Variants in DNAI2 observed in about 807,000 individuals in gnomAD.
DNAI2 encodes dynein axonemal intermediate chain 2, also known as dynein, axonemal, intermediate polypeptide 2.
In DNAI2, 63 loss-of-function variants were observed where a neutral mutation model predicts 74.7. The ratio of observed to expected loss-of-function variants is 0.84; its 90% CI spans 0.69 to 1.04. The LOEUF (loss-of-function observed/expected upper bound fraction) is 1.04, where lower values mean the gene tolerates loss of function less well. Ranked by LOEUF, DNAI2 falls within the 50% of genes least tolerant of loss-of-function variation. DNAI2 has a pLI of 0.00. For synonymous variants in DNAI2, 289 were observed against 314.9 expected, an observed-to-expected ratio of 0.92 and a Z score of 0.87; for missense variants, 688 against 803.2, an observed-to-expected ratio of 0.86 and a Z score of 1.73.
At chr17:74,304,186 C>CTTTTTCTTTTTTCTTTTTTT (rs2053040468) in intron 8 of DNAI2, among the ~76,000 whole-genome samples, 1 of 67,632 alleles carries the variant, frequency 1.5e-5, no homozygotes, top group African/African-American at 5.8e-5. Flanking sequence ...TTTCTTTTTT[C>CTTTTTCTTTTTTCTTTTTTT]TTTTTTTTTT....
chr17:74,279,692 TA>T (rs2051286625), intron 1 of DNAI2, among the ~76,000 whole-genome samples: 1 of 152,138 alleles, frequency 6.6e-6, no homozygotes, highest in African/African-American at 2.4e-5. Flanking sequence ...CATGCCTGGA[TA>T]ATTTTTGGTA....
intron 10 of DNAI2, 121 bp downstream of exon 10, chr17:74,309,509 G>A (rs2053385529): frequency 1.4e-6 from 2 of 1,401,710 alleles, no homozygotes; most frequent in African/African-American, 2.8e-5. Flanking sequence ...TTGGGCCTCT[G>A]TGGGGGAGCC....
At chr17:74,305,510 G>A (rs1017324828) in intron 9 of DNAI2, 68 bp downstream of exon 9, 16 of 1,451,192 alleles carry the variant, frequency 1.1e-5, no homozygotes, top group East Asian at 4.7e-5. Flanking sequence ...GCCCAGCTGG[G>A]CCCCGGAGAG....
intron 9 of DNAI2, chr17:74,307,220 A>C (rs117580787): frequency 2.2e-6 from 1 of 456,076 alleles, no homozygotes; most frequent in Admixed American, 2.3e-5. Flanking sequence ...GCAGGCTGCC[A>C]GGGCTGTGTG....
chr17:74,289,491 C>A, intron 4 of DNAI2, 103 bp from the exon 5 acceptor site: 2 of 1,470,778 alleles, frequency 1.4e-6, no homozygotes, highest in Non-Finnish European at 9.3e-7. Flanking sequence ...TATGCCACTG[C>A]CTGGGGGACA....
At chr17:74,309,461 G>T in intron 10 of DNAI2, 73 bp downstream of exon 10, 1 of 1,604,360 alleles carries the variant, frequency 6.2e-7, no homozygotes, top group Non-Finnish European at 8.5e-7. Context: ...TGAGTGTGGG[G>T]TGCTGTGAGC....
At chr17:74,303,409 A>G (rs573116041) in intron 8 of DNAI2, among the ~76,000 whole-genome samples, 2 of 152,052 alleles carry the variant, frequency 1.3e-5, no homozygotes, top group South Asian at 4.2e-4. Context: ...TGGTCTTTCC[A>G]CTTGCCCTTG....
At chr17:74,278,241 G>T (rs987746416) in intron 1 of DNAI2, among the ~76,000 whole-genome samples, 4 of 151,320 alleles carry the variant, frequency 2.6e-5, no homozygotes, top group Non-Finnish European at 2.9e-5. Context: ...ACAAGCCTGG[G>T]CAACATAGTG....
At chr17:74,298,470 A>G (rs2052574976) in intron 6 of DNAI2, among the ~76,000 whole-genome samples, 1 of 151,594 alleles carries the variant, frequency 6.6e-6, no homozygotes, top group African/African-American at 2.4e-5. Context: ...ACGCCCAGCT[A>G]ATTTTTTTGT....
In DNAI2 at chr17:74,301,075, C is replaced by G. The variant is rs568996957; in HGVS notation, c.894C>G (p.Ser298Arg). The G allele has an allele frequency of 6.2e-7, 1 of 1,614,020 alleles. No homozygotes were observed. Among genetic ancestry groups the G allele is most frequent in the African/African-American group, 1.3e-5 (1 of 75,028 alleles). ...TGTGGTGGGACATCCGAAAGATGAG[C>G]GAGCCCACTGAAGTTGTGATCTTGG... ...QVMWWDIRKMSEPTEVVILDI... is the reference protein window; with the variant it reads ...QVMWWDIRKMREPTEVVILDI... Residue 298 changes from serine to arginine, a missense_variant, in exon 8 of 14, where the codon AGC (serine) becomes AGG (arginine). Coordinates refer to ENST00000311014, the MANE Select transcript of DNAI2 (RefSeq NM_023036.6).
At chr17:74,274,528 A>G (rs1233601511) in intron 1 of DNAI2, among the ~76,000 whole-genome samples, 183 bp downstream of exon 1, 2 of 152,030 alleles carry the variant, frequency 1.3e-5, no homozygotes, top group Non-Finnish European at 2.9e-5. Context: ...TCTTCCCCTT[A>G]GTCCTCGCTG....
intron 6 of DNAI2, among the ~76,000 whole-genome samples, chr17:74,293,663 C>A (rs1030547404): frequency 1.3e-5 from 2 of 151,734 alleles, no homozygotes; most frequent in Non-Finnish European, 2.9e-5. Flanking sequence ...GAGATCATGC[C>A]ACTGAACTCC....
chr17:74,299,882 A>T (rs1567862503), intron 7 of DNAI2, 25 bp downstream of exon 7: 8 of 1,612,736 alleles, frequency 5.0e-6, no homozygotes, highest in Non-Finnish European at 5.9e-6. Flanking sequence ...GACACTGGAG[A>T]GAGGAGGGAA....
At position 74,309,268 on chromosome 17, in the gene DNAI2, C is replaced by T. The variant is rs753085588; in HGVS notation, c.1227C>T (p.Tyr409=). The T allele has an allele frequency of 6.2e-7, 1 of 1,614,088 alleles. No individual in the cohort carries two copies. Residue 409 remains tyrosine (Y), a synonymous_variant, in exon 10 of 14, where the codon TAC becomes TAT. Coordinates refer to ENST00000311014, the MANE Select transcript of DNAI2 (RefSeq NM_023036.6). ...CCTCCCACAGGTACCACATGGCTTA[C>T]CTCACTGATGCTGCCTGGAGCCCCG... ...SIMWTKYHMA[Y]LTDAAWSPVR...
chr17:74,304,433 G>A (rs1419857995), intron 8 of DNAI2, among the ~76,000 whole-genome samples: 2 of 151,912 alleles, frequency 1.3e-5, no homozygotes, highest in East Asian at 3.9e-4. Flanking sequence ...ACCATTGTAG[G>A]CTCAGGCCCT....
Position 74,286,969 on chromosome 17 carries a change from C to T in DNAI2, c.346-8C>T, listed in dbSNP as rs1224415599. 3 of 1,613,684 alleles carry T rather than the reference C, an allele frequency of 1.9e-6. No individual in the cohort carries two copies. Among genetic ancestry groups the T allele is most frequent in the East Asian group, 2.2e-5 (1 of 44,854 alleles). ...TACTGCGGAGAACTTCCAATGTGTC[C>T]CCCCTAGATCATGGAGCACTGCATC... is the stretch of plus-strand genomic sequence containing the variant. On this transcript the variant is annotated splice_region_variant and splice_polypyrimidine_tract_variant and intron_variant, in intron 3 of 13. Coordinates refer to ENST00000311014, the MANE Select transcript of DNAI2 (RefSeq NM_023036.6).
Position 74,314,271 on chromosome 17 carries a change from G to A in DNAI2, c.*55G>A, listed in dbSNP as rs2053701206. 1 of 1,611,094 alleles carries A rather than the reference G, an allele frequency of 6.2e-7. No individual in the cohort carries two copies. Among genetic ancestry groups the A allele is most frequent in the African/African-American group, 1.3e-5 (1 of 74,978 alleles). Reference sequence around the variant, plus strand: ...TGTGTGCCTTCCTTTCCCACCTCTTGGTATTGCCCCGCTCTCACAAGTGGG... The same window carrying A: ...TGTGTGCCTTCCTTTCCCACCTCTTAGTATTGCCCCGCTCTCACAAGTGGG... On this transcript the variant is annotated splice_region_variant and 3_prime_UTR_variant, in exon 13 of 14. Coordinates refer to ENST00000311014, the MANE Select transcript of DNAI2 (RefSeq NM_023036.6).
Position 74,311,999 on chromosome 17 carries a change from C to A in DNAI2, c.1495-4C>A, listed in dbSNP as rs765760420. 37 of 1,611,208 alleles carry A rather than the reference C, an allele frequency of 2.3e-5. No individual in the cohort carries two copies. The highest frequency in any genetic ancestry group is 6.7e-5 in the African/African-American group (5 of 74,850). On this transcript the variant is annotated splice_region_variant and splice_polypyrimidine_tract_variant and intron_variant, in intron 11 of 13. Transcript: ENST00000311014. ...CCGGGCTCTCTCTGTCCCTGGGTGC[C>A]CAGATGTTTGAGCGTGAGACCCGGC...
At chr17:74,293,407 C>T (rs1413156981) in intron 6 of DNAI2, among the ~76,000 whole-genome samples, 1 of 152,028 alleles carries the variant, frequency 6.6e-6, no homozygotes, top group Admixed American at 6.6e-5. Context: ...TATATGATGT[C>T]TTCATTTGTC....
Sources: allele counts gnomAD v4.1 joint callset (sites outside exome capture counted in the v4.1 genomes callset), GRCh38; gene constraint gnomAD v4.1.1; transcripts MANE v1.5; gene names NCBI Gene and HGNC (gene_info 2026-07-23, HGNC 2026-07-21).